Variants in CLINT1 observed in about 807,000 individuals in gnomAD.
The protein encoded by CLINT1 is clathrin interacting protein localized in the trans-Golgi region.
In CLINT1, 15 loss-of-function variants were observed where a neutral mutation model predicts 70.4. The observed-to-expected ratio is 0.21, with a 90% CI of 0.14 to 0.33. The LOEUF (loss-of-function observed/expected upper bound fraction) is 0.33. Ranked by LOEUF, CLINT1 falls within the 10% of genes least tolerant of loss-of-function variation. The pLI, the probability that CLINT1 is intolerant of heterozygous loss-of-function variation, is 1.00. For synonymous variants in CLINT1, 227 were observed against 254.7 expected (o/e 0.89, Z 1.04); for missense variants, 615 against 778.1 (o/e 0.79, Z 2.49).
intron 1 of CLINT1, among the ~76,000 whole-genome samples, chr5:157,844,760 C>G (rs556776929): frequency 6.6e-6 from 1 of 152,290 alleles, no homozygotes; most frequent in East Asian, 1.9e-4. Context: ...ATAAAGATCA[C>G]AGGATTATAG....
intron 1 of CLINT1, 24 bp from the exon 2 acceptor site, chr5:157,817,571 A>G (rs1762760649): frequency 7.1e-7 from 1 of 1,418,372 alleles, no homozygotes; most frequent in Admixed American, 1.9e-5. Context: ...AAATGCACGC[A>G]CACATGCACA....
intron 5 of CLINT1, 113 bp from the exon 6 acceptor site, chr5:157,809,918 A>T (rs1227014464): frequency 1.9e-6 from 2 of 1,048,552 alleles, no homozygotes; most frequent in Non-Finnish European, 2.7e-6. Flanking sequence ...TCAAAGGAAA[A>T]CAGAAAGCTC....
rs758383594 is a variant in CLINT1 at position 157,791,846 on chromosome 5, G to A, written c.1237C>T (p.Pro413Ser). Reference sequence around the variant, plus strand: ...GAAGAATTTGAGGCAGCAGGAGGTGGGCCTAGAGCTGATTGTGAGCCACTA... The same window carrying A: ...GAAGAATTTGAGGCAGCAGGAGGTGAGCCTAGAGCTGATTGTGAGCCACTA... The part of the protein sequence containing the change: ...LVSGSQSALG[P>S]PPAASNSSDL... Residue 413 changes from proline to serine, a missense_variant, in exon 10 of 12, where the codon CCA (proline) becomes TCA (serine). Pro to Ser is a moderately conservative substitution (Grantham distance 74, BLOSUM62 -1). Coordinates refer to ENST00000411809, the MANE Select transcript of CLINT1 (RefSeq NM_014666.4). 6.2e-7 allele frequency: 1 copy of A among 1,613,968 alleles called. No individual in the cohort carries two copies. Among genetic ancestry groups the A allele is most frequent in the East Asian group, 2.2e-5 (1 of 44,868 alleles).
At chr5:157,812,976 T>G in intron 5 of CLINT1, 87 bp downstream of exon 5, 3 of 1,297,620 alleles carry the variant, frequency 2.3e-6, no homozygotes, top group Non-Finnish European at 3.2e-6. Context: ...AAAATTAGCA[T>G]TTTGGTCTTT....
At chr5:157,792,666 G>A (rs1436506833) in intron 9 of CLINT1, among the ~76,000 whole-genome samples, 2 of 152,120 alleles carry the variant, frequency 1.3e-5, no homozygotes, top group African/African-American at 2.4e-5. Flanking sequence ...AAAGAGAGGA[G>A]GAAAACTCAT....
intron 5 of CLINT1, among the ~76,000 whole-genome samples, chr5:157,811,269 C>T (rs1405333962): frequency 5.3e-5 from 8 of 152,034 alleles, no homozygotes; most frequent in Non-Finnish European, 1.2e-4. Context: ...TGGCCGGGTG[C>T]GGTGGCTCAT....
intron 5 of CLINT1, among the ~76,000 whole-genome samples, chr5:157,811,210 T>C (rs901045634): frequency 1.3e-5 from 2 of 152,146 alleles, no homozygotes; most frequent in African/African-American, 4.8e-5. Context: ...CTAAAGATAC[T>C]GGATATTGGC....
chr5:157,837,418 ACACAC>A (rs1561667851), intron 1 of CLINT1, among the ~76,000 whole-genome samples: 11 of 149,080 alleles, frequency 7.4e-5, no homozygotes, highest in African/African-American at 2.0e-4. Flanking sequence ...AAATACACAC[ACACAC>A]ACACACACAC....
intron 1 of CLINT1, among the ~76,000 whole-genome samples, chr5:157,834,183 G>T (rs1161353777): frequency 6.6e-6 from 1 of 151,948 alleles, no homozygotes; most frequent in East Asian, 1.9e-4. Context: ...GGGCAACATG[G>T]TGAAACCCCA....
chr5:157,840,876 T>G (rs1753150856), intron 1 of CLINT1, among the ~76,000 whole-genome samples: 1 of 152,012 alleles, frequency 6.6e-6, no homozygotes, highest in African/African-American at 2.4e-5. Context: ...AGACCCCATC[T>G]CTTTAAAAAA....
chr5:157,835,059 T>C (rs573124905), intron 1 of CLINT1, among the ~76,000 whole-genome samples: 1 of 152,310 alleles, frequency 6.6e-6, no homozygotes, highest in East Asian at 1.9e-4. Flanking sequence ...AGCTGACACT[T>C]TGCCTTCTTG....
rs1761732894 is a variant in CLINT1 at position 157,786,578 on chromosome 5, TTGAC to T, written c.*1064_*1067del. ...CTTTGTCATTAAATCAATAAAATCTTTGACTGCTACAGGTCTCCTTTAACAATAT... is the reference window on the plus strand; with the variant it reads ...CTTTGTCATTAAATCAATAAAATCTTTGCTACAGGTCTCCTTTAACAATAT... On this transcript the variant is annotated 3_prime_UTR_variant, in exon 12 of 12. Coordinates refer to ENST00000411809, the MANE Select transcript of CLINT1 (RefSeq NM_014666.4). 6.6e-6 allele frequency: 1 copy of T among 152,584 alleles called. No individual in the cohort carries two copies. Among genetic ancestry groups the T allele is most frequent in the Non-Finnish European group, 1.5e-5 (1 of 68,020 alleles). 9.5% of individuals were successfully genotyped at this position (152,584 alleles called of 1,614,324 possible).
At chr5:157,803,117 G>C (rs1762278151) in intron 8 of CLINT1, among the ~76,000 whole-genome samples, 1 of 152,158 alleles carries the variant, frequency 6.6e-6, no homozygotes, top group South Asian at 2.1e-4. Context: ...AAAATTTAGG[G>C]AAAGACAGTA....
At chr5:157,834,106 C>A (rs575482272) in intron 1 of CLINT1, among the ~76,000 whole-genome samples, 2 of 152,288 alleles carry the variant, frequency 1.3e-5, no homozygotes, top group South Asian at 4.1e-4. Context: ...CTTTGGGAGG[C>A]CAAGGCAAGC....
chr5:157,830,784 C>CTATA, intron 1 of CLINT1, among the ~76,000 whole-genome samples: 1 of 133,634 alleles, frequency 7.5e-6, no homozygotes, highest in African/African-American at 2.8e-5. Context: ...CTCTCTCTCT[C>CTATA]TCTCTCTCTC....
intron 1 of CLINT1, among the ~76,000 whole-genome samples, chr5:157,857,341 G>C (rs1753792392): frequency 6.6e-6 from 1 of 151,852 alleles, no homozygotes. Flanking sequence ...ACCTAGATCT[G>C]GAAAAGATCT....
At chr5:157,793,384 C>T (rs536855701) in intron 9 of CLINT1, among the ~76,000 whole-genome samples, 1 of 152,118 alleles carries the variant, frequency 6.6e-6, no homozygotes, top group Non-Finnish European at 1.5e-5. Context: ...GTTGCCCCAC[C>T]TGAAAACTTC....
At chr5:157,853,640 G>A (rs564872453) in intron 1 of CLINT1, among the ~76,000 whole-genome samples, 10 of 151,962 alleles carry the variant, frequency 6.6e-5, no homozygotes, top group African/African-American at 2.4e-4. Flanking sequence ...AGCCGGGCAT[G>A]GTGGCACGTG....
At chr5:157,855,264 C>A (rs1753722193) in intron 1 of CLINT1, among the ~76,000 whole-genome samples, 1 of 150,670 alleles carries the variant, frequency 6.6e-6, no homozygotes, top group Non-Finnish European at 1.5e-5. Flanking sequence ...CAGTTTTGAT[C>A]TACCACTACC....
Sources: gnomAD v4.1 joint callset for allele counts (sites outside exome capture counted in the v4.1 genomes callset) on GRCh38, gnomAD v4.1.1 for gene constraint, MANE v1.5 for transcripts, NCBI Gene and HGNC (gene_info 2026-07-23, HGNC 2026-07-21) for gene names.